Variants in SEMA3C observed in about 807,000 individuals in gnomAD.
The protein encoded by SEMA3C is semaphorin-3C.
A neutral mutation model predicts 89.4 loss-of-function variants in SEMA3C; 47 were observed. That is an observed-to-expected ratio of 0.53 (90% CI 0.42 to 0.67). The LOEUF (loss-of-function observed/expected upper bound fraction) is 0.67. Ranked by LOEUF, SEMA3C falls within the 30% of genes least tolerant of loss-of-function variation. SEMA3C has a pLI of 0.00. For missense variants in SEMA3C, 839 were observed against 929.1 expected (o/e 0.90, Z 1.26); for synonymous variants, 310 against 320.2 (o/e 0.97, Z 0.34).
At chr7:80,786,479 A>G (rs375666991) in intron 12 of SEMA3C, among the ~76,000 whole-genome samples, 24 of 152,258 alleles carry the variant, frequency 1.6e-4, no homozygotes, top group African/African-American at 3.1e-4. Flanking sequence ...AAGAGAAAAC[A>G]GTCATCTTTT....
intron 2 of SEMA3C, among the ~76,000 whole-genome samples, chr7:80,848,878 AT>A (rs1243950493): frequency 6.6e-6 from 1 of 151,784 alleles, no homozygotes; most frequent in Non-Finnish European, 1.5e-5. Flanking sequence ...ATTCATGGTG[AT>A]TTTGTTATAA....
At chr7:80,831,101 T>G (rs934558925) in intron 2 of SEMA3C, among the ~76,000 whole-genome samples, 2 of 152,196 alleles carry the variant, frequency 1.3e-5, no homozygotes, top group African/African-American at 2.4e-5. Context: ...AGATATTGCT[T>G]GGGCTGCTGG....
At chr7:80,884,743 C>A (rs1791432963) in intron 2 of SEMA3C, among the ~76,000 whole-genome samples, 1 of 152,146 alleles carries the variant, frequency 6.6e-6, no homozygotes, top group African/African-American at 2.4e-5. Context: ...GTGACTGTTT[C>A]TTTGTAGAAG....
intron 2 of SEMA3C, among the ~76,000 whole-genome samples, chr7:80,862,917 T>C (rs1427096936): frequency 6.6e-6 from 1 of 152,130 alleles, no homozygotes; most frequent in Non-Finnish European, 1.5e-5. Context: ...TGGATCCTCA[T>C]CTCTCTTCTT....
intron 2 of SEMA3C, among the ~76,000 whole-genome samples, chr7:80,896,329 TA>T (rs768609356): frequency 6.8e-4 from 103 of 152,278 alleles, no homozygotes; most frequent in Middle Eastern, 3.4e-3. Flanking sequence ...CACAGTTATG[TA>T]AAAACTTGTG....
chr7:80,787,713 A>C (rs1375177759), intron 12 of SEMA3C, among the ~76,000 whole-genome samples: 1 of 152,186 alleles, frequency 6.6e-6, no homozygotes, highest in Non-Finnish European at 1.5e-5. Context: ...CAAGGCTTCT[A>C]AGTTGAGGAT....
intron 2 of SEMA3C, among the ~76,000 whole-genome samples, chr7:80,880,476 C>A (rs1791307744): frequency 6.6e-6 from 1 of 152,180 alleles, no homozygotes; most frequent in Admixed American, 6.5e-5. Flanking sequence ...TGTGGTGATT[C>A]TCACTATGTT....
At chr7:80,864,452 G>A (rs559007480) in intron 2 of SEMA3C, among the ~76,000 whole-genome samples, 335 of 151,962 alleles carry the variant, frequency 2.2e-3, no homozygotes, top group African/African-American at 7.5e-3. Flanking sequence ...TCTTTCCTTA[G>A]AGTTTTTATT....
At chr7:80,763,055 T>C (rs10085651) in intron 13 of SEMA3C, among the ~76,000 whole-genome samples, 13,054 of 152,224 alleles carry the variant, frequency 0.086, 1,889 homozygotes, top group African/African-American at 0.3. Flanking sequence ...CACATACAAA[T>C]GCTGCAACCT....
intron 2 of SEMA3C, among the ~76,000 whole-genome samples, chr7:80,883,150 T>A (rs1476046082): frequency 2.0e-5 from 3 of 152,216 alleles, no homozygotes; most frequent in Non-Finnish European, 4.4e-5. Context: ...CGCCACAAGC[T>A]ATCCTATATG....
chr7:80,892,035 T>C (rs891300842), intron 2 of SEMA3C, among the ~76,000 whole-genome samples: 1 of 152,124 alleles, frequency 6.6e-6, no homozygotes, highest in Non-Finnish European at 1.5e-5. Context: ...AAATAGTAAA[T>C]ATCTTATAAA....
At chr7:80,820,119 G>A (rs973014474) in intron 4 of SEMA3C, among the ~76,000 whole-genome samples, 5 of 148,218 alleles carry the variant, frequency 3.4e-5, no homozygotes, top group South Asian at 4.3e-4. Flanking sequence ...GTGCTGTGGC[G>A]TGATCTCAGC....
At chr7:80,810,586 C>T (rs749974370) in intron 6 of SEMA3C, 25 bp downstream of exon 6, 1 of 1,579,682 alleles carries the variant, frequency 6.3e-7, no homozygotes, top group South Asian at 1.1e-5. Context: ...TATGTTTAAT[C>T]CTCCCTCTTT....
Position 80,745,005 on chromosome 7 carries a change from T to A in SEMA3C, c.2145A>T (p.Gln715His). 1.2e-6 allele frequency: 2 copies of A among 1,614,110 alleles called. No homozygotes were observed. The highest frequency in any genetic ancestry group is 1.7e-6 in the Non-Finnish European group (2 of 1,179,978). The change falls in exon 18 of 18, where the codon CAA becomes CAT. Residue 715 changes from glutamine (Q) to histidine (H), a missense_variant. Gln to His is a conservative substitution (Grantham distance 24). Transcript: ENST00000265361. ...TCTGTGATTCATCTCCCTGCTGATG[T>A]TGCTGCCGAGTGTCTTTGCAATATT... ...INQYCKDTRQ[Q>H]HQQGDESQKM...
chr7:80,829,069 A>C (rs1047643104), intron 2 of SEMA3C, among the ~76,000 whole-genome samples: 32 of 152,146 alleles, frequency 2.1e-4, no homozygotes, highest in African/African-American at 7.5e-4. Flanking sequence ...TTGGAGGCTG[A>C]GGTGGGAGGA....
rs778210252 is a variant in SEMA3C at position 80,908,537 on chromosome 7, A to G, written c.103+8142T>C. On this transcript the variant is annotated intron_variant, in intron 2 of 17. Coordinates refer to ENST00000265361, the MANE Select transcript of SEMA3C (RefSeq NM_006379.5). The stretch of plus-strand genomic sequence containing the variant: ...TAACACTAGCAACTTGGGTTGCAAG[A>G]CTTCGCTGGCTGGAAAAAAAGAAAA... 3.6e-4 allele frequency among the ~76,000 whole-genome samples: 55 copies of G among 152,184 alleles called. 1 individual carries two copies. The highest frequency in any genetic ancestry group is 5.9e-5 in the Non-Finnish European group (4 of 68,038).
At chr7:80,886,030 T>C (rs1305901451) in intron 2 of SEMA3C, among the ~76,000 whole-genome samples, 2 of 152,204 alleles carry the variant, frequency 1.3e-5, no homozygotes, top group African/African-American at 4.8e-5. Flanking sequence ...TTAGGACAGC[T>C]GTGTTTTTTG....
At chr7:80,888,602 C>T (rs1293904896) in intron 2 of SEMA3C, among the ~76,000 whole-genome samples, 2 of 152,060 alleles carry the variant, frequency 1.3e-5, no homozygotes, top group African/African-American at 4.8e-5. Flanking sequence ...TTGTAATTAA[C>T]AAAGGACAAG....
chr7:80,841,830 T>A (rs1043651981), intron 2 of SEMA3C, among the ~76,000 whole-genome samples: 4 of 152,138 alleles, frequency 2.6e-5, no homozygotes, highest in Non-Finnish European at 5.9e-5. Context: ...GATGGGGAGA[T>A]GTTTTCCTAA....
Sources: gnomAD v4.1 joint callset for allele counts (sites outside exome capture counted in the v4.1 genomes callset) on GRCh38, gnomAD v4.1.1 for gene constraint, MANE v1.5 for transcripts, NCBI Gene and HGNC (gene_info 2026-07-23, HGNC 2026-07-21) for gene names.